Variants in VPS13B observed in about 807,000 individuals in gnomAD.
VPS13B encodes the protein vacuolar protein sorting 13 homolog B.
A neutral mutation model predicts 426.4 loss-of-function variants in VPS13B; 285 were observed. The observed-to-expected ratio is 0.67, with a 90% CI of 0.61 to 0.74. The LOEUF (loss-of-function observed/expected upper bound fraction) is 0.74. Among genes scored for constraint, VPS13B ranks in the 30% least tolerant of loss-of-function variants. The pLI, the probability that VPS13B is intolerant of heterozygous loss-of-function variation, is 0.00. For synonymous variants in VPS13B, 1,676 were observed against 1,676.4 expected (o/e 1.00, Z 0.01); for missense variants, 4,537 against 4,782.6 (o/e 0.95, Z 1.51).
chr8:99,722,332 T>C (rs1401538051), intron 39 of VPS13B, among the ~76,000 whole-genome samples: 1 of 152,224 alleles, frequency 6.6e-6, no homozygotes, highest in East Asian at 1.9e-4. Context: ...TTGCGTGTGA[T>C]CTTTCTACTG....
At chr8:99,438,445 T>A (rs1356648527) in intron 22 of VPS13B, among the ~76,000 whole-genome samples, 1 of 152,172 alleles carries the variant, frequency 6.6e-6, no homozygotes, top group East Asian at 1.9e-4. Context: ...TTATATTTAA[T>A]CCTTACAAAT....
intron 35 of VPS13B, among the ~76,000 whole-genome samples, chr8:99,680,025 G>A (rs951584091): frequency 4.6e-5 from 7 of 152,050 alleles, no homozygotes; most frequent in African/African-American, 1.7e-4. Context: ...ATAGCCACCC[G>A]TGTATGCACT....
intron 17 of VPS13B, among the ~76,000 whole-genome samples, chr8:99,253,733 A>G (rs1220727815): frequency 6.6e-6 from 1 of 152,170 alleles, no homozygotes; most frequent in East Asian, 1.9e-4. Flanking sequence ...ATTAAATGCA[A>G]TAATTGATAT....
chr8:99,586,925 G>A (rs959692630), intron 33 of VPS13B, among the ~76,000 whole-genome samples: 2 of 151,980 alleles, frequency 1.3e-5, no homozygotes, highest in African/African-American at 2.4e-5. Flanking sequence ...TTTGCTGCAC[G>A]CATTAACTCG....
chr8:99,572,634 C>T (rs1825539997), intron 31 of VPS13B, among the ~76,000 whole-genome samples: 1 of 152,182 alleles, frequency 6.6e-6, no homozygotes. Context: ...GACGTGAACT[C>T]ATCATTTTTA....
At chr8:99,442,038 G>A in intron 22 of VPS13B, among the ~76,000 whole-genome samples, 1 of 152,176 alleles carries the variant, frequency 6.6e-6, no homozygotes, top group Middle Eastern at 3.4e-3. Flanking sequence ...AAAAGTAACA[G>A]CAATAAAATG....
intron 23 of VPS13B, among the ~76,000 whole-genome samples, chr8:99,444,010 T>TA (rs1338306150): frequency 6.6e-6 from 1 of 151,898 alleles, no homozygotes; most frequent in Admixed American, 6.6e-5. Context: ...TTCTTTTCTT[T>TA]TTTTTTTTAT....
intron 39 of VPS13B, among the ~76,000 whole-genome samples, chr8:99,754,029 A>G (rs538817612): frequency 6.6e-6 from 1 of 150,616 alleles, no homozygotes; most frequent in Non-Finnish European, 1.5e-5. Flanking sequence ...TTATAAAATC[A>G]TGATTTCCTG....
chr8:99,142,904 AGAG>A, intron 12 of VPS13B, 67 bp from the exon 13 acceptor site: 1 of 1,489,986 alleles, frequency 6.7e-7, no homozygotes, highest in Non-Finnish European at 9.1e-7. Context: ...AAATGAGAGA[AGAG>A]CGATTTTAAA....
At chr8:99,194,396 T>A (rs933665047) in intron 17 of VPS13B, among the ~76,000 whole-genome samples, 1 of 152,134 alleles carries the variant, frequency 6.6e-6, no homozygotes, top group Non-Finnish European at 1.5e-5. Context: ...CTGAACAGGA[T>A]CTTCCTGTTA....
intron 19 of VPS13B, among the ~76,000 whole-genome samples, chr8:99,365,065 A>G (rs1041703534): frequency 1.3e-5 from 2 of 151,864 alleles, no homozygotes; most frequent in Non-Finnish European, 2.9e-5. Flanking sequence ...TTATTGTTAT[A>G]TAGTTGCTGA....
chr8:99,854,426 C>T (rs1816448203), intron 56 of VPS13B, among the ~76,000 whole-genome samples, 170 bp downstream of exon 56: 1 of 152,166 alleles, frequency 6.6e-6, no homozygotes, highest in African/African-American at 2.4e-5. Flanking sequence ...CCACTGTTAG[C>T]TGTAAGACTT....
At chr8:99,101,418 C>T (rs1846739960) in intron 4 of VPS13B, among the ~76,000 whole-genome samples, 1 of 152,222 alleles carries the variant, frequency 6.6e-6, no homozygotes. Flanking sequence ...AGGCGTGAGC[C>T]ACCGTGCTTG....
chr8:99,233,369 C>T (rs541953225), intron 17 of VPS13B: 17 of 1,069,406 alleles, frequency 1.6e-5, no homozygotes, highest in Admixed American at 5.1e-5. Flanking sequence ...TTTAGTTTCC[C>T]GAAGATCCGT....
At chr8:99,065,658 A>C (rs1378812422) in intron 3 of VPS13B, among the ~76,000 whole-genome samples, 35 of 152,244 alleles carry the variant, frequency 2.3e-4, no homozygotes, top group Non-Finnish European at 1.0e-4. Flanking sequence ...TGGCCAGAGC[A>C]ATCAGGCAAG....
intron 34 of VPS13B, among the ~76,000 whole-genome samples, chr8:99,646,912 G>A (rs948509715): frequency 3.9e-5 from 6 of 152,068 alleles, no homozygotes; most frequent in Non-Finnish European, 8.8e-5. Context: ...CCAAGCAGAT[G>A]TTAGTGCAGT....
chr8:99,827,381 T>C lies in VPS13B; in HGVS notation c.9330+3403T>C, dbSNP rs1233763790. 2.0e-5 allele frequency among the ~76,000 whole-genome samples: 3 copies of C among 152,196 alleles called. 1 individual carries two copies. Among genetic ancestry groups the C allele is most frequent in the South Asian group, 4.1e-4 (2 of 4,830 alleles). ...TAGAGGTGTTTATAGTATTCTCTGA[T>C]GGTAGTTTGTATTTCTGTGGGATCA... On this transcript the variant is annotated intron_variant, in intron 51 of 61. Coordinates refer to ENST00000357162, the MANE Select transcript of VPS13B (RefSeq NM_152564.5).
At chr8:99,145,987 A>G (rs78331217) in intron 13 of VPS13B, among the ~76,000 whole-genome samples, 10 of 152,288 alleles carry the variant, frequency 6.6e-5, no homozygotes, top group African/African-American at 2.4e-4. Context: ...TTTTTATTTT[A>G]GCCATTCTGA....
chr8:99,141,324 C>A (rs1363544741), intron 12 of VPS13B, among the ~76,000 whole-genome samples: 1 of 152,104 alleles, frequency 6.6e-6, no homozygotes, highest in Non-Finnish European at 1.5e-5. Flanking sequence ...GGGGCATTGG[C>A]CTGTATTATT....
Sources: allele counts gnomAD v4.1 joint callset (sites outside exome capture counted in the v4.1 genomes callset), GRCh38; gene constraint gnomAD v4.1.1; transcripts MANE v1.5; gene names NCBI Gene and HGNC (gene_info 2026-07-23, HGNC 2026-07-21).